The following NCAM2 variants were observed in gnomAD, a reference collection of about 807,000 sequenced individuals.
The protein encoded by NCAM2 is N-CAM-2.
NCAM2 carries 30 observed loss-of-function variants against 98.1 expected under a neutral mutation model. The ratio of observed to expected loss-of-function variants is 0.31; its 90% CI spans 0.23 to 0.41. The LOEUF (loss-of-function observed/expected upper bound fraction) is 0.41. NCAM2 is among the 10% of genes least tolerant of loss of function. NCAM2 has a pLI of 1.00. For missense variants in NCAM2, 867 were observed against 1,005.8 expected, an observed-to-expected ratio of 0.86 and a Z score of 1.87; for synonymous variants, 368 against 342.4, an observed-to-expected ratio of 1.07 and a Z score of -0.83.
rs182036653 is a variant in NCAM2 at position 21,060,822 on chromosome 21, A to T, written c.55+62204A>T. ...TACAGTGGAAGAAGTGGAAGATTTAAAAGAGAAAAGTCTTGGTTGATGGTG... is the reference window on the plus strand; with the variant it reads ...TACAGTGGAAGAAGTGGAAGATTTATAAGAGAAAAGTCTTGGTTGATGGTG... On this transcript the variant is annotated intron_variant, in intron 1 of 17. Coordinates refer to ENST00000400546, the MANE Select transcript of NCAM2 (RefSeq NM_004540.5). Among the ~76,000 whole-genome samples the T allele has an allele frequency of 1.4e-3, 218 of 152,226 alleles. 2 individuals carry two copies. Among genetic ancestry groups the T allele is most frequent in the Non-Finnish European group, 2.6e-3 (175 of 67,984 alleles).
intron 4 of NCAM2, among the ~76,000 whole-genome samples, chr21:21,291,892 T>G (rs1476737887): frequency 7.4e-6 from 1 of 135,960 alleles, no homozygotes; most frequent in Non-Finnish European, 1.6e-5. Flanking sequence ...TATTTTATTC[T>G]TTTAGGAAAA....
chr21:21,384,014 A>G (rs896989561), intron 9 of NCAM2, among the ~76,000 whole-genome samples: 4 of 152,026 alleles, frequency 2.6e-5, no homozygotes, highest in Admixed American at 2.6e-4. Context: ...GTTTGTTGAC[A>G]TGTTTACATA....
chr21:21,331,509 C>CCATATATATA (rs2074682133), intron 6 of NCAM2, among the ~76,000 whole-genome samples: 2 of 5,018 alleles, frequency 4.0e-4, no homozygotes, highest in African/African-American at 1.3e-3. Flanking sequence ...ACTCTATACT[C>CCATATATATA]TCTCTCTCTA....
rs376610153 is a variant in NCAM2, at chr21:21,270,717, T to C, written c.56-9861T>C. 3.9e-5 allele frequency among the ~76,000 whole-genome samples: 6 copies of C among 152,300 alleles called. No individual in the cohort carries two copies. The East Asian group carries it at 7.7e-4, about 20-fold the overall frequency. On this transcript the variant is annotated intron_variant, in intron 1 of 17. Transcript: ENST00000400546. ...GCGTAAGCCTCCTTTCATAAATATT[T>C]TCTTTTTAGTATGATGTATTTCACT...
intron 1 of NCAM2, among the ~76,000 whole-genome samples, chr21:21,189,825 G>A (rs2068761233): frequency 6.6e-6 from 1 of 152,222 alleles, no homozygotes; most frequent in African/African-American, 2.4e-5. Context: ...AGGCAAGGAT[G>A]TGAGTTTATG....
At chr21:21,242,251 A>G (rs1488172570) in intron 1 of NCAM2, among the ~76,000 whole-genome samples, 2 of 2,582 alleles carry the variant, frequency 7.7e-4, no homozygotes, top group African/African-American at 8.8e-4. Context: ...TATGTGATAC[A>G]ACATGCTTTG....
intron 1 of NCAM2, among the ~76,000 whole-genome samples, chr21:21,116,530 G>T (rs186093587): frequency 3.9e-5 from 6 of 152,198 alleles, no homozygotes; most frequent in African/African-American, 1.4e-4. Flanking sequence ...CACCTGCTTG[G>T]TCCATTTAGC....
At chr21:21,055,548 C>G (rs1421612607) in intron 1 of NCAM2, among the ~76,000 whole-genome samples, 1 of 151,980 alleles carries the variant, frequency 6.6e-6, no homozygotes, top group African/African-American at 2.4e-5. Context: ...ATTTTCTTCT[C>G]AATCTAACTT....
At chr21:21,333,605 G>A (rs1301583832) in intron 6 of NCAM2, among the ~76,000 whole-genome samples, 1 of 152,070 alleles carries the variant, frequency 6.6e-6, no homozygotes, top group Admixed American at 6.6e-5. Flanking sequence ...TAATTAACCT[G>A]CTGCTTTTAT....
At chr21:21,445,979 C>T (rs2146102957) in intron 12 of NCAM2, among the ~76,000 whole-genome samples, 1 of 152,162 alleles carries the variant, frequency 6.6e-6, no homozygotes. Context: ...CCAGTTTTTC[C>T]TTTCCATATT....
chr21:21,401,707 T>C (rs1239723834), intron 9 of NCAM2, among the ~76,000 whole-genome samples: 1 of 152,234 alleles, frequency 6.6e-6, no homozygotes, highest in Non-Finnish European at 1.5e-5. Flanking sequence ...ATGCACATTT[T>C]AATCTGATTT....
chr21:21,134,350 A>G (rs1453469453), intron 1 of NCAM2, among the ~76,000 whole-genome samples: 1 of 152,022 alleles, frequency 6.6e-6, no homozygotes, highest in Non-Finnish European at 1.5e-5. Flanking sequence ...GTCTACAGGC[A>G]TGAGCCACTG....
At chr21:21,519,562 C>A (rs561346427) in intron 16 of NCAM2, among the ~76,000 whole-genome samples, 1 of 105,366 alleles carries the variant, frequency 9.5e-6, no homozygotes, top group South Asian at 3.9e-4. Context: ...TTTATATAAC[C>A]CTGTTATTTG....
chr21:21,509,526 G>A (rs1443275243), intron 16 of NCAM2, among the ~76,000 whole-genome samples: 4 of 152,092 alleles, frequency 2.6e-5, no homozygotes, highest in Non-Finnish European at 4.4e-5. Flanking sequence ...TTTTTGTATA[G>A]AAAATATGAT....
chr21:21,078,323 A>G (rs1026878450), intron 1 of NCAM2, among the ~76,000 whole-genome samples: 2 of 152,240 alleles, frequency 1.3e-5, no homozygotes, highest in African/African-American at 4.8e-5. Flanking sequence ...TTATCTTGCC[A>G]TCCTGCTTTG....
At chr21:21,524,811 T>A (rs1316661494) in intron 16 of NCAM2, among the ~76,000 whole-genome samples, 1 of 152,166 alleles carries the variant, frequency 6.6e-6, no homozygotes, top group Non-Finnish European at 1.5e-5. Flanking sequence ...TCATACTATG[T>A]CTGCTCTCAT....
intron 7 of NCAM2, among the ~76,000 whole-genome samples, chr21:21,336,853 G>C (rs1302189165): frequency 6.6e-6 from 1 of 152,206 alleles, no homozygotes; most frequent in Non-Finnish European, 1.5e-5. Flanking sequence ...TGAATAAAGA[G>C]AAGTATTGTT....
chr21:21,381,020 C>CT (rs1317876363), intron 9 of NCAM2, among the ~76,000 whole-genome samples: 1 of 152,166 alleles, frequency 6.6e-6, no homozygotes, highest in Admixed American at 6.6e-5. Flanking sequence ...TACTTTTAAC[C>CT]TGTCTGCATT....
At chr21:21,431,416 T>C (rs934081888) in intron 11 of NCAM2, among the ~76,000 whole-genome samples, 1 of 151,822 alleles carries the variant, frequency 6.6e-6, no homozygotes, top group African/African-American at 2.4e-5. Context: ...CCACCTAAGA[T>C]ACCTTATTGA....
Sources: gnomAD v4.1 joint callset for allele counts (sites outside exome capture counted in the v4.1 genomes callset) on GRCh38, gnomAD v4.1.1 for gene constraint, MANE v1.5 for transcripts, NCBI Gene and HGNC (gene_info 2026-07-23, HGNC 2026-07-21) for gene names.